The following ADCY9 variants were observed in gnomAD, a reference collection of about 807,000 sequenced individuals.
The protein encoded by ADCY9 is adenylate cyclase type 9.
In ADCY9, 50 loss-of-function variants were observed where a neutral mutation model predicts 101.5. That is an observed-to-expected ratio of 0.49 (90% confidence interval 0.39 to 0.62). The LOEUF (loss-of-function observed/expected upper bound fraction) is 0.62, where lower values mean the gene tolerates loss of function less well. Among genes scored for constraint, ADCY9 ranks in the 20% least tolerant of loss-of-function variants. ADCY9 has a pLI of 0.00. For missense variants in ADCY9, 1,662 were observed against 1,800.4 expected (o/e 0.92, Z 1.39); for synonymous variants, 905 against 769.3 (o/e 1.18, Z -2.92).
intron 2 of ADCY9, among the ~76,000 whole-genome samples, chr16:4,086,575 G>A (rs1223293061): frequency 1.3e-5 from 2 of 152,090 alleles, no homozygotes; most frequent in Non-Finnish European, 2.9e-5. Flanking sequence ...TTAGGGGACA[G>A]CTCACTCTCA....
chr16:4,033,746 G>A (rs1023749271), intron 2 of ADCY9, among the ~76,000 whole-genome samples: 3 of 152,114 alleles, frequency 2.0e-5, no homozygotes, highest in Non-Finnish European at 4.4e-5. Flanking sequence ...TCAGTTCATG[G>A]ACTCGACACC....
At chr16:4,107,465 C>G (rs558267665) in intron 2 of ADCY9, among the ~76,000 whole-genome samples, 2 of 147,512 alleles carry the variant, frequency 1.4e-5, no homozygotes, top group African/African-American at 5.0e-5. Flanking sequence ...GCAGGAGAAC[C>G]GCTTGAACCT....
rs76064706 is a variant in ADCY9 at position 3,999,094 on chromosome 16, G to A, written c.1885-5584C>T. Among the ~76,000 whole-genome samples the A allele has an allele frequency of 1.2e-3, 180 of 152,266 alleles. 1 individual carries two copies. The East Asian group carries it at 0.032, about 27-fold the overall frequency. On this transcript the variant is annotated intron_variant, in intron 3 of 10. Coordinates refer to ENST00000294016, the MANE Select transcript of ADCY9 (RefSeq NM_001116.4). The stretch of plus-strand genomic sequence containing the variant: ...AAACAGCGTCTCCCCCTGCACAGCT[G>A]CAGGCATCTCCACCCCTGCTGAGAA...
rs1395833734 is a variant in ADCY9 at position 4,059,407 on chromosome 16, A to AGG, written c.1694-51850_1694-51849insCC. On this transcript the variant is annotated intron_variant, in intron 2 of 10. Transcript: ENST00000294016. ...AAAAAAAAAAAAAGAAAAAAAAAGA[A>AGG]AGAAAGAAAGTTAGAAGAAAAAACC... Among the ~76,000 whole-genome samples, 6 of 151,400 alleles carry AGG rather than the reference A, an allele frequency of 4.0e-5. No homozygotes were observed. The South Asian group carries it at 1.0e-3, about 26-fold the overall frequency.
chr16:3,995,506 CTTA>C (rs927636647), intron 3 of ADCY9, among the ~76,000 whole-genome samples: 9 of 151,870 alleles, frequency 5.9e-5, no homozygotes, highest in Non-Finnish European at 1.3e-4. Flanking sequence ...CCGTAATAAA[CTTA>C]TTATTATTAT....
At chr16:4,074,229 G>A (rs993644660) in intron 2 of ADCY9, among the ~76,000 whole-genome samples, 6 of 151,950 alleles carry the variant, frequency 3.9e-5, no homozygotes, top group African/African-American at 9.7e-5. Flanking sequence ...ATAGAACCTT[G>A]TAGTAACTTA....
intron 2 of ADCY9, among the ~76,000 whole-genome samples, chr16:4,013,525 C>G (rs191015366): frequency 6.6e-6 from 1 of 152,164 alleles, no homozygotes; most frequent in Non-Finnish European, 1.5e-5. Context: ...TGGGAGCCAG[C>G]CACATAGCAT....
intron 10 of ADCY9, among the ~76,000 whole-genome samples, chr16:3,969,614 T>TATATATATACACGTA (rs1567414929): frequency 1.6e-4 from 8 of 50,720 alleles, no homozygotes; most frequent in Non-Finnish European, 2.3e-4. Flanking sequence ...ATATATGTAT[T>TATATATATACACGTA]TTTTTTTTTT....
intron 2 of ADCY9, among the ~76,000 whole-genome samples, chr16:4,066,782 C>CA (rs2056803730): frequency 6.6e-6 from 1 of 152,238 alleles, no homozygotes; most frequent in East Asian, 1.9e-4. Flanking sequence ...GAATAATAAA[C>CA]AATTCATATC....
At position 3,993,641 on chromosome 16, in the gene ADCY9, G is replaced by A. The variant is rs944504044; in HGVS notation, c.1885-131C>T. On this transcript the variant is annotated intron_variant, in intron 3 of 10. Coordinates refer to ENST00000294016, the MANE Select transcript of ADCY9 (RefSeq NM_001116.4). ...GAGCAAGGGGAAGGCACACAGAACC[G>A]CTCGGGGATGAGCTGAAAGCCAACG... The A allele has an allele frequency of 1.6e-5, 18 of 1,124,356 alleles. No individual in the cohort carries two copies. The Middle Eastern group carries it at 1.2e-3, about 73-fold the overall frequency. The allele number at this position is 1,124,356 out of a possible 1,614,324, so 69.6% of individuals were successfully genotyped here. A position where few individuals can be genotyped will look rare whatever the true frequency, so the allele number is the denominator to read the frequency against.
chr16:3,955,162 T>C (rs896629937), intron 5 of ADCY9, among the ~76,000 whole-genome samples: 6 of 152,102 alleles, frequency 3.9e-5, no homozygotes, highest in Admixed American at 2.0e-4. Flanking sequence ...TTGAAATATT[T>C]TAGGAAAAAG....
intron 2 of ADCY9, among the ~76,000 whole-genome samples, chr16:4,080,793 GCACTTTTTCCC>G (rs990358043): frequency 2.1e-4 from 31 of 149,888 alleles, no homozygotes; most frequent in African/African-American, 7.2e-4. Context: ...CCCGTAGAGA[GCACTTTTTCCC>G]CCTTGCCTCT....
intron 6 of ADCY9, 117 bp from the exon 7 acceptor site, chr16:3,983,557 G>T: frequency 1.2e-6 from 1 of 835,918 alleles, no homozygotes; most frequent in Non-Finnish European, 1.9e-6. Context: ...CCAGGCACAG[G>T]GCAGGAAGGC....
chr16:4,051,985 G>A (rs1409528427), intron 2 of ADCY9, among the ~76,000 whole-genome samples: 1 of 152,158 alleles, frequency 6.6e-6, no homozygotes, highest in Non-Finnish European at 1.5e-5. Flanking sequence ...TTACAGTGGA[G>A]AAACCTGGTA....
At chr16:4,092,742 C>G (rs1209969642) in intron 2 of ADCY9, among the ~76,000 whole-genome samples, 4 of 152,176 alleles carry the variant, frequency 2.6e-5, no homozygotes, top group Admixed American at 1.3e-4. Context: ...CAGACTATAG[C>G]TGACAACTAA....
intron 2 of ADCY9, among the ~76,000 whole-genome samples, chr16:4,034,187 T>C (rs2056574678): frequency 6.6e-6 from 1 of 152,134 alleles, no homozygotes; most frequent in Non-Finnish European, 1.5e-5. Context: ...TGGTCTCTTG[T>C]GGCTCAAGTT....
intron 2 of ADCY9, among the ~76,000 whole-genome samples, chr16:4,090,553 G>C (rs2056967009): frequency 6.6e-6 from 1 of 152,038 alleles, no homozygotes. Context: ...ACCTCCCTGT[G>C]CTCCGAAGCC....
chr16:3,989,967 G>A (rs11649287), intron 5 of ADCY9, among the ~76,000 whole-genome samples: 106,128 of 152,120 alleles, frequency 0.7, 37,301 homozygotes, highest in South Asian at 0.75. Flanking sequence ...GAAACCTGCA[G>A]AATGATAAAG....
chr16:4,023,997 T>G (rs1055016955), intron 2 of ADCY9, among the ~76,000 whole-genome samples: 2 of 152,126 alleles, frequency 1.3e-5, no homozygotes, highest in African/African-American at 2.4e-5. Context: ...GTTCGATTCT[T>G]TCTTATTTTG....
Sources: allele counts gnomAD v4.1 joint callset (sites outside exome capture counted in the v4.1 genomes callset), GRCh38; gene constraint gnomAD v4.1.1; transcripts MANE v1.5; gene names NCBI Gene and HGNC (gene_info 2026-07-23, HGNC 2026-07-21).